The following KLF8 variants were observed in gnomAD, a reference collection of about 807,000 sequenced individuals.
The protein encoded by KLF8 is KLF transcription factor 8.
KLF8 carries 10 observed loss-of-function variants against 18.2 expected under a neutral mutation model. The ratio of observed to expected loss-of-function variants is 0.55; its 90% CI spans 0.34 to 0.93. The LOEUF (loss-of-function observed/expected upper bound fraction) is 0.93, where lower values mean the gene tolerates loss of function less well. KLF8 is among the 40% of genes least tolerant of loss of function. The pLI, the probability that KLF8 is intolerant of heterozygous loss-of-function variation, is 0.02. For missense variants in KLF8, 264 were observed against 277.9 expected (o/e 0.95, Z 0.36); for synonymous variants, 109 against 97.3 (o/e 1.12, Z -0.71).
chrX:55,946,407 T>A, the KLF8 span, among the ~76,000 whole-genome samples: 2 of 111,769 alleles, frequency 1.8e-5, no homozygotes, highest in African/African-American at 6.5e-5. Context: ...ATTTAATAAA[T>A]GGTGCTGGGA....
intron 5 of KLF8, among the ~76,000 whole-genome samples, chrX:56,275,442 G>A (rs759637725): frequency 1.8e-5 from 2 of 111,112 alleles, no homozygotes; most frequent in African/African-American, 6.5e-5. Context: ...TATGTCTTCT[G>A]CAAACAAGGA....
chrX:56,064,111 GTA>G, the KLF8 span, among the ~76,000 whole-genome samples: 5 of 94,376 alleles, frequency 5.3e-5, no homozygotes, highest in Admixed American at 4.4e-4. Context: ...ACATATATAC[GTA>G]TGTGTGTGTA....
the KLF8 span, among the ~76,000 whole-genome samples, chrX:56,175,971 T>C: frequency 8.9e-6 from 1 of 111,923 alleles, no homozygotes; most frequent in African/African-American, 3.2e-5. Context: ...CTCCATCCTT[T>C]ATTTTGAGCC....
chrX:56,241,884 C>G (rs1233525193), intron 1 of KLF8, among the ~76,000 whole-genome samples: 1 of 112,265 alleles, frequency 8.9e-6, no homozygotes, highest in Non-Finnish European at 1.9e-5. Context: ...TTCTAGGCAT[C>G]TGAGATTATG....
At chrX:56,053,763 A>G in the KLF8 span, among the ~76,000 whole-genome samples, 3 of 109,334 alleles carry the variant, frequency 2.7e-5, no homozygotes, top group Non-Finnish European at 3.8e-5. Context: ...GAATTCATCT[A>G]TCTTTTTCTA....
chrX:56,129,876 G>A, the KLF8 span, among the ~76,000 whole-genome samples: 9 of 110,272 alleles, frequency 8.2e-5, 1 homozygote, highest in East Asian at 2.3e-3. Flanking sequence ...ATGGGAGCTG[G>A]GTAAGGCCTG....
intron 2 of KLF8, among the ~76,000 whole-genome samples, chrX:56,259,721 A>G (rs1371334181): frequency 9.0e-6 from 1 of 110,835 alleles, no homozygotes; most frequent in Non-Finnish European, 1.9e-5. Flanking sequence ...CCCAAACTTC[A>G]ATTATTTACT....
At chrX:56,118,234 G>A in the KLF8 span, among the ~76,000 whole-genome samples, 1 of 111,483 alleles carries the variant, frequency 9.0e-6, no homozygotes, top group Non-Finnish European at 1.9e-5. Context: ...CAGGGCTGTT[G>A]TGAGTTGCAG....
the KLF8 span, among the ~76,000 whole-genome samples, chrX:56,040,319 G>A: frequency 2.1e-3 from 232 of 111,834 alleles, no homozygotes; most frequent in South Asian, 3.4e-3. Flanking sequence ...CAAGGGCAGT[G>A]CTTCCAGATT....
At chrX:56,048,352 TCCTGAATGGTATTG>T in the KLF8 span, among the ~76,000 whole-genome samples, 8 of 112,151 alleles carry the variant, frequency 7.1e-5, no homozygotes, top group Admixed American at 4.7e-4. Context: ...CATGTCTATG[TCCTGAATGGTATTG>T]CCTCAGTTTT....
intron 1 of KLF8, among the ~76,000 whole-genome samples, chrX:56,241,804 G>A (rs1408757268): frequency 2.7e-5 from 3 of 111,821 alleles, no homozygotes; most frequent in African/African-American, 6.5e-5. Context: ...TCTGCTTATT[G>A]CATATAAGAT....
intron 3 of KLF8, chrX:56,267,113 GC>G: frequency 1.3e-6 from 1 of 753,120 alleles, no homozygotes; most frequent in Non-Finnish European, 1.6e-6. Context: ...GTTTGAAGGA[GC>G]TTTGAATAGT....
the KLF8 span, among the ~76,000 whole-genome samples, chrX:55,998,898 G>A: frequency 9.4e-6 from 1 of 106,075 alleles, no homozygotes. Flanking sequence ...TGGGGATTTA[G>A]CCAAAAACTT....
At chrX:56,020,909 C>A in the KLF8 span, among the ~76,000 whole-genome samples, 5 of 112,090 alleles carry the variant, frequency 4.5e-5, no homozygotes, top group African/African-American at 1.6e-4. Context: ...GCATGCTCTT[C>A]ACATCACAAT....
At chrX:56,051,239 C>A in the KLF8 span, among the ~76,000 whole-genome samples, 3 of 111,206 alleles carry the variant, frequency 2.7e-5, no homozygotes, top group Non-Finnish European at 3.8e-5. Flanking sequence ...CAGTCTGTGT[C>A]TTTTAATTGG....
chrX:55,933,054 G>GT, the KLF8 span, among the ~76,000 whole-genome samples: 23 of 109,656 alleles, frequency 2.1e-4, no homozygotes, highest in Non-Finnish European at 2.7e-4. Flanking sequence ...TCAAATGGAT[G>GT]TTTTTTTTTC....
the KLF8 span, among the ~76,000 whole-genome samples, chrX:55,976,379 T>C: frequency 1.8e-5 from 2 of 111,430 alleles, no homozygotes; most frequent in South Asian, 7.6e-4. Context: ...TTCCCCCAGC[T>C]CCTGATTACC....
chrX:55,924,248 T>C, the KLF8 span, among the ~76,000 whole-genome samples: 1 of 110,579 alleles, frequency 9.0e-6, no homozygotes, highest in Admixed American at 9.6e-5. Flanking sequence ...TTATTTTTAT[T>C]TTTATTTTTT....
At chrX:56,088,032 C>A in the KLF8 span, among the ~76,000 whole-genome samples, 11 of 110,584 alleles carry the variant, frequency 9.9e-5, no homozygotes, top group Admixed American at 3.9e-4. Context: ...AACATTTATT[C>A]TCTGAAGACT....
Sources: gnomAD v4.1 joint callset for allele counts (sites outside exome capture counted in the v4.1 genomes callset) on GRCh38, gnomAD v4.1.1 for gene constraint, MANE v1.5 for transcripts, NCBI Gene and HGNC (gene_info 2026-07-23, HGNC 2026-07-21) for gene names.